Variants in KIF5A observed in about 807,000 individuals in gnomAD.
KIF5A encodes the protein kinesin heavy chain isoform 5A.
In KIF5A, 35 loss-of-function variants were observed where a neutral mutation model predicts 141.3. That is an observed-to-expected ratio of 0.25 (90% CI 0.19 to 0.33). The LOEUF is 0.33. KIF5A is among the 10% of genes least tolerant of loss of function. The pLI is 1.00. For synonymous variants in KIF5A, 448 were observed against 500.2 expected (o/e 0.90, Z 1.39); for missense variants, 861 against 1,314.3 (o/e 0.66, Z 5.33).
chr12:57,579,675 T>G (rs1416408922), intron 23 of KIF5A, among the ~76,000 whole-genome samples: 1 of 152,180 alleles, frequency 6.6e-6, no homozygotes, highest in Non-Finnish European at 1.5e-5. Context: ...TGAAATCAAT[T>G]CTGCCATTCG....
rs1018222029 is a variant in KIF5A, at chr12:57,571,512, C to G, written c.1362+123C>G. Reference sequence around the variant, plus strand: ...TTTCTGCTTGGGGATTAATCACTCCCCTAAACAGCAGAAGTCTGGGAACCT... The same window carrying G: ...TTTCTGCTTGGGGATTAATCACTCCGCTAAACAGCAGAAGTCTGGGAACCT... On this transcript the variant is annotated intron_variant, in intron 13 of 28. Coordinates refer to ENST00000455537, the MANE Select transcript of KIF5A (RefSeq NM_004984.4). The G allele has an allele frequency of 4.5e-6, 4 of 895,282 alleles. No homozygotes were observed. The Admixed American group carries it at 8.4e-5, about 19-fold the overall frequency. 55.5% of individuals were successfully genotyped at this position (895,282 alleles called of 1,614,324 possible).
intron 8 of KIF5A, among the ~76,000 whole-genome samples, chr12:57,568,454 G>A (rs947139346): frequency 1.3e-5 from 2 of 152,002 alleles, no homozygotes; most frequent in East Asian, 1.9e-4. Flanking sequence ...GGCTGGGCAC[G>A]GTGGCTCACA....
chr12:57,570,055 G>A lies in KIF5A; in HGVS notation c.1186G>A (p.Glu396Lys). 6.2e-7 allele frequency: 1 copy of A among 1,614,196 alleles called. No homozygotes were observed. Residue 396 changes from glutamate (E) to lysine (K), a missense_variant, in exon 12 of 29, where the codon GAG (glutamate) becomes AAG (lysine). Physicochemically the swap from Glu to Lys is moderately conservative, Grantham distance 56. Transcript: ENST00000455537. ...EAALGAELCE[E>K]TPVNDNSSIV... ...AGCCCTGGGAGCCGAGCTCTGTGAG[G>A]AGACCCCTGTGAATGACAACTCATC...
chr12:57,570,959 A>ATTTT, intron 12 of KIF5A, among the ~76,000 whole-genome samples: 1 of 129,372 alleles, frequency 7.7e-6, no homozygotes, highest in Non-Finnish European at 1.6e-5. Flanking sequence ...CGCCCAGCTA[A>ATTTT]TTTTTTTTTT....
At chr12:57,553,876 GGA>G (rs1415261001) in intron 1 of KIF5A, among the ~76,000 whole-genome samples, 1 of 152,136 alleles carries the variant, frequency 6.6e-6, no homozygotes, top group African/African-American at 2.4e-5. Context: ...GCTGGGGGTG[GGA>G]GAGAGATTGG....
At chr12:57,554,070 G>A (rs778071266) in intron 1 of KIF5A, among the ~76,000 whole-genome samples, 50 of 152,130 alleles carry the variant, frequency 3.3e-4, no homozygotes, top group Non-Finnish European at 6.9e-4. Context: ...GAAATACTTG[G>A]AAAAATGCCC....
intron 12 of KIF5A, 102 bp from the exon 13 acceptor site, chr12:57,571,219 T>G (rs1310967358): frequency 3.9e-6 from 3 of 777,880 alleles, no homozygotes; most frequent in Non-Finnish European, 7.0e-6. Flanking sequence ...GCTTATACTA[T>G]CTGGATTTTT....
Position 57,572,489 on chromosome 12 carries a change from C to T in KIF5A, c.1570-91C>T, listed in dbSNP as rs1160732471. On this transcript the variant is annotated intron_variant, in intron 14 of 28. Transcript: ENST00000455537. This position sits in a 1 kb window ranked among gnomAD's most constrained non-coding sequence, Gnocchi z 4.2. ...CCTGTGTTCTCTTCATAGCAGCCCT[C>T]AGGGTCTTGCATGAAGGGAGAGGCC... 6.5e-7 allele frequency: 1 copy of T among 1,539,482 alleles called. No individual in the cohort carries two copies. The highest frequency in any genetic ancestry group is 1.4e-5 in the African/African-American group (1 of 73,596).
intron 6 of KIF5A, among the ~76,000 whole-genome samples, chr12:57,566,611 T>C (rs1882073167): frequency 6.6e-6 from 1 of 151,912 alleles, no homozygotes; most frequent in Non-Finnish European, 1.5e-5. Flanking sequence ...GATTTTGCCA[T>C]GTTGGCCAGG....
intron 24 of KIF5A, 92 bp downstream of exon 24, chr12:57,581,264 C>T: frequency 1.3e-6 from 2 of 1,498,688 alleles, no homozygotes; most frequent in Non-Finnish European, 1.8e-6. Context: ...TTGCTTCTTA[C>T]CTACCCCTAG....
At chr12:57,570,421 C>T (rs1283666737) in intron 12 of KIF5A, among the ~76,000 whole-genome samples, 1 of 151,656 alleles carries the variant, frequency 6.6e-6, no homozygotes, top group Non-Finnish European at 1.5e-5. Context: ...TTTTTTGAGA[C>T]AGGGTCTTGC....
intron 17 of KIF5A, 136 bp from the exon 18 acceptor site, chr12:57,575,951 C>A: frequency 1.0e-6 from 1 of 955,534 alleles, no homozygotes; most frequent in Non-Finnish European, 1.7e-6. Flanking sequence ...CCTGCTATAT[C>A]AAATTGGACA....
rs1359246593 is a variant in KIF5A at position 57,585,504 on chromosome 12, A to T, written c.*1323A>T. The T allele has an allele frequency of 1.3e-5, 2 of 154,508 alleles. No individual in the cohort carries two copies. Among genetic ancestry groups the T allele is most frequent in the East Asian group, 1.9e-4 (1 of 5,184 alleles). The allele number at this position is 154,508 out of a possible 1,614,324, so 9.6% of individuals were successfully genotyped here. A position where few individuals can be genotyped will look rare whatever the true frequency, so the allele number is the denominator to read the frequency against. On this transcript the variant is annotated 3_prime_UTR_variant, in exon 29 of 29. Transcript: ENST00000455537. ...GTTTCAGACGGTCCTTTCCTTCCACATGGTGCTAAGGTGGTTTTCTAGGTA... is the reference window on the plus strand; with the variant it reads ...GTTTCAGACGGTCCTTTCCTTCCACTTGGTGCTAAGGTGGTTTTCTAGGTA...
rs538386092 is a variant in KIF5A at position 57,582,732 on chromosome 12, G to T, written c.3020+103G>T. 4 of 946,298 alleles carry T rather than the reference G, an allele frequency of 4.2e-6. No individual in the cohort carries two copies. In the South Asian group the frequency reaches 5.2e-5, roughly 12 times the overall value. 58.6% of individuals were successfully genotyped at this position (946,298 alleles called of 1,614,324 possible). ...GGAGGTTCCTGGAGCCTTTGGGGAA[G>T]GGGGAGGGAGTGAGACTCATTCTTT... is the stretch of plus-strand genomic sequence containing the variant. On this transcript the variant is annotated intron_variant, in intron 27 of 28. Transcript: ENST00000455537.
intron 1 of KIF5A, among the ~76,000 whole-genome samples, chr12:57,559,276 A>G (rs1881839361): frequency 6.6e-6 from 1 of 152,180 alleles, no homozygotes; most frequent in Admixed American, 6.5e-5. Flanking sequence ...ATGTGAGGCT[A>G]TTTCCAAATT....
Position 57,550,537 on chromosome 12 carries a change from C to G in KIF5A, c.129+137C>G. 5.4e-6 allele frequency: 5 copies of G among 931,136 alleles called. No homozygotes were observed. The highest frequency in any genetic ancestry group is 8.2e-6 in the Non-Finnish European group (5 of 611,240). The allele number at this position is 931,136 out of a possible 1,614,324, so 57.7% of individuals were successfully genotyped here. A position where few individuals can be genotyped will look rare whatever the true frequency, so the allele number is the denominator to read the frequency against. Reference sequence around the variant, plus strand: ...TCCTTCATCCTCTTCCCCGCAGCCCCTCCTCTCCCCTGCATCAGGATGGCT... The same window carrying G: ...TCCTTCATCCTCTTCCCCGCAGCCCGTCCTCTCCCCTGCATCAGGATGGCT... On this transcript the variant is annotated intron_variant, in intron 1 of 28. Coordinates refer to ENST00000455537, the MANE Select transcript of KIF5A (RefSeq NM_004984.4). This position sits in a 1 kb window ranked among gnomAD's most constrained non-coding sequence, Gnocchi z 4.6.
rs558040366 is a variant in KIF5A at position 57,558,867 on chromosome 12, C to T, written c.130-4572C>T. ...CATGGCTCACTGCAACCTTCACCTT[C>T]GAGGCTCAGGCCATCATCCTGCCTC... On this transcript the variant is annotated intron_variant, in intron 1 of 28. Coordinates refer to ENST00000455537, the MANE Select transcript of KIF5A (RefSeq NM_004984.4). Among the ~76,000 whole-genome samples, 16 of 152,260 alleles carry T rather than the reference C, an allele frequency of 1.1e-4. No homozygotes were observed. In the South Asian group the frequency reaches 2.7e-3, roughly 26 times the overall value.
At chr12:57,559,065 C>A (rs776728503) in intron 1 of KIF5A, among the ~76,000 whole-genome samples, 19 of 152,358 alleles carry the variant, frequency 1.2e-4, no homozygotes, top group Admixed American at 4.6e-4. Context: ...GGTACATGAG[C>A]TATCTCATTC....
chr12:57,556,811 A>G (rs1053510027), intron 1 of KIF5A, among the ~76,000 whole-genome samples: 2 of 152,196 alleles, frequency 1.3e-5, no homozygotes, highest in South Asian at 4.2e-4. Context: ...TGAGAAAGCC[A>G]GTCTCATCTT....
Sources: allele counts gnomAD v4.1 joint callset (sites outside exome capture counted in the v4.1 genomes callset), GRCh38; gene constraint gnomAD v4.1.1; non-coding constraint Gnocchi (gnomAD v3.1); transcripts MANE v1.5; gene names NCBI Gene and HGNC (gene_info 2026-07-23, HGNC 2026-07-21).